HCRTR2: variants seen among roughly 807,000 people sequenced by gnomAD.
HCRTR2 encodes the protein hypocretin receptor 2.
In HCRTR2, 22 loss-of-function variants were observed where a neutral mutation model predicts 49.0. The observed-to-expected ratio is 0.45, with a 90% CI of 0.32 to 0.64. The LOEUF (loss-of-function observed/expected upper bound fraction) is 0.64. HCRTR2 is among the 30% of genes least tolerant of loss of function. The probability of loss-of-function intolerance (pLI) is 0.04; values close to 1 mark genes in which losing one functional copy is unlikely to be tolerated. For missense variants in HCRTR2, 491 were observed against 559.4 expected (o/e 0.88, Z 1.23); for synonymous variants, 236 against 205.3 (o/e 1.15, Z -1.28).
Position 55,174,533 on chromosome 6 carries a change from T to C in HCRTR2, c.-55T>C. Reference sequence around the variant, plus strand: ...TCCCACCGCAAATCACCAGTGCTCATGGGGCAGGCGGAGAGGAGCTTGCAG... The same window carrying C: ...TCCCACCGCAAATCACCAGTGCTCACGGGGCAGGCGGAGAGGAGCTTGCAG... On this transcript the variant is annotated 5_prime_UTR_variant, in exon 1 of 7. An upstream start codon of the reference 5' UTR is lost. Transcript: ENST00000370862. 14 of 1,420,454 alleles carry C rather than the reference T, an allele frequency of 9.9e-6. No individual in the cohort carries two copies. Among genetic ancestry groups the C allele is most frequent in the Non-Finnish European group, 1.4e-5 (14 of 1,003,852 alleles). The allele number at this position is 1,420,454 out of a possible 1,614,324, so 88.0% of individuals were successfully genotyped here.
chr6:55,187,903 A>T (rs1765252460), intron 1 of HCRTR2, among the ~76,000 whole-genome samples: 2 of 151,954 alleles, frequency 1.3e-5, no homozygotes, highest in Non-Finnish European at 2.9e-5. Flanking sequence ...CAGCCTCCCG[A>T]GTAGCTGGGA....
Position 55,282,208 on chromosome 6 carries a change from TTCTC to T in HCRTR2, c.1106-13_1106-10del, listed in dbSNP as rs773927681. The T allele has an allele frequency of 6.4e-7, 1 of 1,573,644 alleles. No homozygotes were observed. Among genetic ancestry groups the T allele is most frequent in the South Asian group, 1.1e-5 (1 of 89,748 alleles). Reference sequence around the variant, plus strand: ...TTATGTATAATTCCTTTTCCTTTCATTCTCTCTGTTTGCCAGGAAAATTTCGAGA... The same window carrying T: ...TTATGTATAATTCCTTTTCCTTTCATTCTGTTTGCCAGGAAAATTTCGAGA... On this transcript the variant is annotated splice_polypyrimidine_tract_variant and intron_variant, in intron 6 of 6. Transcript: ENST00000370862.
At chr6:55,132,394 G>A (rs1410267753) in intron 1 of HCRTR2, among the ~76,000 whole-genome samples, 6 of 151,808 alleles carry the variant, frequency 4.0e-5, no homozygotes, top group African/African-American at 1.2e-4. Context: ...AGATGTCTGG[G>A]CAAAGTGGAA....
intron 1 of HCRTR2, among the ~76,000 whole-genome samples, chr6:55,245,102 A>G (rs1039577557): frequency 1.3e-5 from 2 of 151,864 alleles, no homozygotes; most frequent in African/African-American, 4.8e-5. Context: ...AGTTAATACG[A>G]TACCCACAGC....
intron 1 of HCRTR2, among the ~76,000 whole-genome samples, chr6:55,186,678 C>A (rs1199698543): frequency 6.6e-6 from 1 of 152,104 alleles, no homozygotes; most frequent in Non-Finnish European, 1.5e-5. Context: ...CAAAATAATT[C>A]TTGGTTGTTT....
At chr6:55,215,572 G>T (rs1216585813) in intron 1 of HCRTR2, among the ~76,000 whole-genome samples, 1 of 152,004 alleles carries the variant, frequency 6.6e-6, no homozygotes, top group Non-Finnish European at 1.5e-5. Context: ...CTTCATCCTG[G>T]TATAGAAGTT....
intron 1 of HCRTR2, among the ~76,000 whole-genome samples, chr6:55,154,707 A>G (rs1764707734): frequency 2.1e-5 from 3 of 145,992 alleles, no homozygotes; most frequent in South Asian, 4.2e-4. Flanking sequence ...TAGATAAATA[A>G]ATAAATAAAT....
chr6:55,213,176 T>C (rs1023031843), intron 1 of HCRTR2, among the ~76,000 whole-genome samples: 3 of 151,802 alleles, frequency 2.0e-5, no homozygotes, highest in African/African-American at 7.3e-5. Context: ...GCCTAAGGTG[T>C]TGGAGAACAT....
At chr6:55,211,681 AT>A (rs1413605286) in intron 1 of HCRTR2, among the ~76,000 whole-genome samples, 2 of 152,096 alleles carry the variant, frequency 1.3e-5, no homozygotes, top group African/African-American at 4.8e-5. Context: ...TTTCTCTCAA[AT>A]TCTTAAACAC....
At chr6:55,129,291 A>G (rs72967880) in intron 1 of HCRTR2, among the ~76,000 whole-genome samples, 10,074 of 152,100 alleles carry the variant, frequency 0.066, 503 homozygotes, top group Non-Finnish European at 0.099. Context: ...TCTCCTCAAA[A>G]TCAACATATC....
intron 1 of HCRTR2, among the ~76,000 whole-genome samples, chr6:55,232,482 G>A (rs1766134637): frequency 6.6e-6 from 1 of 152,054 alleles, no homozygotes. Context: ...TTGTCTAAAA[G>A]GATATCATCT....
At chr6:55,206,403 A>G (rs886163172) in intron 1 of HCRTR2, among the ~76,000 whole-genome samples, 1 of 152,066 alleles carries the variant, frequency 6.6e-6, no homozygotes, top group Non-Finnish European at 1.5e-5. Context: ...TCTCCTTAGT[A>G]AGAGAAGTAT....
intron 1 of HCRTR2, among the ~76,000 whole-genome samples, chr6:55,116,032 A>AT (rs1420415881): frequency 2.0e-5 from 3 of 151,568 alleles, no homozygotes; most frequent in Admixed American, 6.6e-5. Context: ...GCCTCATGGG[A>AT]TTTTTTGTCT....
chr6:55,165,822 C>CTG (rs1472247646), intron 1 of HCRTR2, among the ~76,000 whole-genome samples: 3 of 134,380 alleles, frequency 2.2e-5, no homozygotes, highest in Non-Finnish European at 4.8e-5. Flanking sequence ...AGACGAATAA[C>CTG]CCAATCTAAA....
At chr6:55,214,095 G>A (rs577066583) in intron 1 of HCRTR2, among the ~76,000 whole-genome samples, 1 of 152,124 alleles carries the variant, frequency 6.6e-6, no homozygotes, top group African/African-American at 2.4e-5. Context: ...ACTTTCAGCA[G>A]CTCCAGAAGA....
chr6:55,170,734 T>TCCCCCCCCCC (rs11432290), upstream of HCRTR2, among the ~76,000 whole-genome samples: 1 of 107,272 alleles, frequency 9.3e-6, no homozygotes, highest in African/African-American at 3.7e-5. Flanking sequence ...CCCTCCCCCC[T>TCCCCCCCCCC]CCCCCACCCC....
In HCRTR2 at chr6:55,174,818, T is replaced by A. The variant is rs1765009806; in HGVS notation, c.223+8T>A. The stretch of plus-strand genomic sequence containing the variant: ...TCATTGGGAACGTCCTGGGTGAGTC[T>A]CCTCCCGGGCAGCCCTCCTAGGGGC... On this transcript the variant is annotated splice_region_variant and intron_variant, in intron 1 of 6. Coordinates refer to ENST00000370862, the MANE Select transcript of HCRTR2 (RefSeq NM_001384272.1). The A allele has an allele frequency of 1.2e-6, 2 of 1,610,956 alleles. No individual in the cohort carries two copies. Among genetic ancestry groups the A allele is most frequent in the African/African-American group, 2.7e-5 (2 of 74,694 alleles).
chr6:55,208,232 C>T lies in HCRTR2; in HGVS notation c.223+33422C>T, dbSNP rs559038133. 9.9e-5 allele frequency among the ~76,000 whole-genome samples: 15 copies of T among 151,132 alleles called. No homozygotes were observed. The South Asian group carries it at 1.5e-3, about 15-fold the overall frequency. ...GCTCACACCTGTAATCCCAGCACTT[C>T]GGGAGGCAGAGGCTGGTGGATCACT... On this transcript the variant is annotated intron_variant, in intron 1 of 6. Coordinates refer to ENST00000370862, the MANE Select transcript of HCRTR2 (RefSeq NM_001384272.1).
rs745939954 is a variant in HCRTR2 at position 55,245,469 on chromosome 6, T to TTATATATATATATATA, written c.224-3148_224-3133dup. Among the ~76,000 whole-genome samples, 120 of 56,682 alleles carry TTATATATATATATATA rather than the reference T, an allele frequency of 2.1e-3. 1 individual carries two copies. Among genetic ancestry groups the TTATATATATATATATA allele is most frequent in the Admixed American group, 6.6e-3 (31 of 4,676 alleles). 37.2% of individuals were successfully genotyped at this position (56,682 alleles called of 152,430 possible). On this transcript the variant is annotated intron_variant, in intron 1 of 6. Transcript: ENST00000370862. ...TACACATAGAATACATAGGAAGATT[T>TTATATATATATATATA]TATATATATATATATATATATATAT... is the stretch of plus-strand genomic sequence containing the variant.
Sources: gnomAD v4.1 joint callset for allele counts (sites outside exome capture counted in the v4.1 genomes callset) on GRCh38, gnomAD v4.1.1 for gene constraint, MANE v1.5 for transcripts, NCBI Gene and HGNC (gene_info 2026-07-23, HGNC 2026-07-21) for gene names.